Variants in SPTLC1 observed in about 807,000 individuals in gnomAD.
SPTLC1 encodes the protein serine palmitoyltransferase 1.
In SPTLC1, 55 loss-of-function variants were observed where a neutral mutation model predicts 68.9. The ratio of observed to expected loss-of-function variants is 0.80; its 90% CI spans 0.64 to 1.00. The LOEUF is 1.00. SPTLC1 is among the 50% of genes least tolerant of loss of function. The pLI is 0.00. For missense variants in SPTLC1, 449 were observed against 573.1 expected, an observed-to-expected ratio of 0.78 and a Z score of 2.21; for synonymous variants, 197 against 201.6, an observed-to-expected ratio of 0.98 and a Z score of 0.19.
intron 3 of SPTLC1, among the ~76,000 whole-genome samples, chr9:92,092,407 A>G (rs1358597868): frequency 6.6e-6 from 1 of 152,160 alleles, no homozygotes; most frequent in Non-Finnish European, 1.5e-5. Context: ...ATTAAAAAAT[A>G]TTTAGGTCTG....
At chr9:92,104,599 A>G (rs1321026867) in intron 3 of SPTLC1, 5 of 1,478,796 alleles carry the variant, frequency 3.4e-6, no homozygotes, top group Middle Eastern at 1.7e-4. Context: ...TTAACCTTCA[A>G]CTTCCTTCAT....
intron 3 of SPTLC1, among the ~76,000 whole-genome samples, chr9:92,089,053 G>A (rs988564944): frequency 3.9e-5 from 6 of 152,312 alleles, no homozygotes; most frequent in South Asian, 4.1e-4. Flanking sequence ...AACGCGAGAC[G>A]CTGGACACTA....
intron 11 of SPTLC1, 54 bp downstream of exon 11, chr9:92,047,118 C>T: frequency 6.9e-7 from 1 of 1,444,144 alleles, no homozygotes; most frequent in Non-Finnish European, 9.8e-7. Context: ...ATCAGTAACA[C>T]AACTAACGTA....
At chr9:92,104,314 G>A (rs916841898) in intron 3 of SPTLC1, 68 of 1,383,086 alleles carry the variant, frequency 4.9e-5, no homozygotes, top group African/African-American at 2.6e-4. Context: ...GGCTCACCCC[G>A]CGGCTCCTGC....
chr9:92,071,326 G>C (rs915514287), intron 5 of SPTLC1, among the ~76,000 whole-genome samples: 3 of 152,062 alleles, frequency 2.0e-5, no homozygotes, highest in African/African-American at 7.2e-5. Context: ...CCTGAACCCA[G>C]GAGGCGGAGG....
chr9:92,042,283 T>C (rs1833378872), intron 12 of SPTLC1, among the ~76,000 whole-genome samples: 2 of 151,946 alleles, frequency 1.3e-5, no homozygotes, highest in Non-Finnish European at 2.9e-5. Flanking sequence ...AGCAATAAAA[T>C]AAGAAAATGA....
At chr9:92,036,718 T>A (rs1312386994) in intron 13 of SPTLC1, among the ~76,000 whole-genome samples, 1 of 152,260 alleles carries the variant, frequency 6.6e-6, no homozygotes, top group African/African-American at 2.4e-5. Flanking sequence ...TACTGGCTTG[T>A]CCATTTAGTT....
At chr9:92,059,070 C>A (rs1833995917) in intron 7 of SPTLC1, 109 bp downstream of exon 7, 1 of 1,310,564 alleles carries the variant, frequency 7.6e-7, no homozygotes, top group Non-Finnish European at 1.1e-6. Context: ...ACCTTAATAT[C>A]CAAATGTGAT....
At chr9:92,082,998 G>A (rs1359626696) in intron 3 of SPTLC1, among the ~76,000 whole-genome samples, 17 of 152,164 alleles carry the variant, frequency 1.1e-4, no homozygotes, top group Admixed American at 7.9e-4. Context: ...CAGTGATGGT[G>A]AGCATTTTTT....
chr9:92,111,649 C>T (rs1226232563), intron 2 of SPTLC1: 4 of 152,168 alleles, frequency 2.6e-5, no homozygotes, highest in Non-Finnish European at 5.9e-5. Context: ...TTATAACAAG[C>T]TCTATTTGTC....
rs777138137 is a variant in SPTLC1, at chr9:92,079,530, C to A, written c.427+486G>T. ...TTTAGTTGGCCTGTTCCCGGATTATCCATACACAAGGAAATCAATGATCCT... is the reference window on the plus strand; with the variant it reads ...TTTAGTTGGCCTGTTCCCGGATTATACATACACAAGGAAATCAATGATCCT... On this transcript the variant is annotated intron_variant, in intron 5 of 14. Coordinates refer to ENST00000262554, the MANE Select transcript of SPTLC1 (RefSeq NM_006415.4). 7 of 1,613,816 alleles carry A rather than the reference C, an allele frequency of 4.3e-6. No homozygotes were observed. In the East Asian group the frequency reaches 1.6e-4, roughly 36 times the overall value.
chr9:92,089,047 C>T (rs376120639), intron 3 of SPTLC1, among the ~76,000 whole-genome samples: 5 of 152,172 alleles, frequency 3.3e-5, no homozygotes, highest in Admixed American at 1.3e-4. Flanking sequence ...CCCAAGAACG[C>T]GAGACGCTGG....
rs1201254564 is a variant in SPTLC1 at position 92,067,307 on chromosome 9, A to C, written c.560+659T>G. Among the ~76,000 whole-genome samples the C allele has an allele frequency of 2.4e-4, 36 of 151,288 alleles. 1 individual carries two copies. The highest frequency in any genetic ancestry group is 6.8e-3 in the Middle Eastern group (2 of 294). On this transcript the variant is annotated intron_variant, in intron 6 of 14. Coordinates refer to ENST00000262554, the MANE Select transcript of SPTLC1 (RefSeq NM_006415.4). Reference sequence around the variant, plus strand: ...AAGTGAGACTCCATCTCACACACAAAAAAAAAAAAAACAGAGAAGAGGAAA... The same window carrying C: ...AAGTGAGACTCCATCTCACACACAACAAAAAAAAAAACAGAGAAGAGGAAA...
intron 6 of SPTLC1, among the ~76,000 whole-genome samples, chr9:92,064,159 C>T (rs1177678670): frequency 6.6e-6 from 1 of 152,162 alleles, no homozygotes; most frequent in Non-Finnish European, 1.5e-5. Flanking sequence ...TTGCAGGATA[C>T]AAGCTCAGCA....
At chr9:92,087,922 T>C (rs1339172351) in intron 3 of SPTLC1, among the ~76,000 whole-genome samples, 3 of 152,228 alleles carry the variant, frequency 2.0e-5, no homozygotes, top group East Asian at 1.9e-4. Flanking sequence ...CCCGGCTGCT[T>C]TGTTTACCTA....
rs114685423 is a variant in SPTLC1 at position 92,075,370 on chromosome 9, C to T, written c.427+4646G>A. Among the ~76,000 whole-genome samples the T allele has an allele frequency of 5.5e-4, 84 of 152,264 alleles. 1 individual carries two copies. The highest frequency in any genetic ancestry group is 2.0e-3 in the African/African-American group (83 of 41,550). ...CATCCTAACCAAACCACTCTATAAA[C>T]TCACAAAAGGAAACTTAGCTGAACC... On this transcript the variant is annotated intron_variant, in intron 5 of 14. Coordinates refer to ENST00000262554, the MANE Select transcript of SPTLC1 (RefSeq NM_006415.4).
intron 7 of SPTLC1, 36 bp from the exon 8 acceptor site, chr9:92,055,530 G>A (rs747105959): frequency 1.2e-6 from 2 of 1,605,358 alleles, no homozygotes; most frequent in Non-Finnish European, 1.7e-6. Flanking sequence ...TTACATTTCA[G>A]TAACTCTGAA....
rs987363132 is a variant in SPTLC1, at chr9:92,047,646, G to A, written c.951C>T (p.Phe317=). The part of the protein sequence containing the change: ...MENALASIGG[F]CCGRSFVIDH... The stretch of plus-strand genomic sequence containing the variant: ...CAATTACAAAAGACCTGCCACAGCA[G>A]AAACCTCCAATAGAAGCAAGTGCAT... Residue 317 remains phenylalanine (F), a synonymous_variant, in exon 10 of 15, where the codon TTC becomes TTT. Transcript: ENST00000262554. The A allele has an allele frequency of 1.2e-6, 2 of 1,613,798 alleles. No homozygotes were observed. Among genetic ancestry groups the A allele is most frequent in the African/African-American group, 2.7e-5 (2 of 75,008 alleles).
In SPTLC1 at chr9:92,080,825, A is replaced by T. The variant is rs201432015; in HGVS notation, c.354+45T>A. 9.5e-6 allele frequency: 14 copies of T among 1,474,522 alleles called. No homozygotes were observed. The Middle Eastern group carries it at 1.2e-3, about 127-fold the overall frequency. 91.3% of individuals were successfully genotyped at this position (1,474,522 alleles called of 1,614,324 possible). A position where few individuals can be genotyped will look rare whatever the true frequency, so the allele number is the denominator to read the frequency against. ...TTTGTCTTTTATGTCTAGTTTCTTA[A>T]ATCAGTAATGTTATCTGTCCACTTC... On this transcript the variant is annotated intron_variant, in intron 4 of 14. Transcript: ENST00000262554.
Sources: gnomAD v4.1 joint callset for allele counts (sites outside exome capture counted in the v4.1 genomes callset) on GRCh38, gnomAD v4.1.1 for gene constraint, MANE v1.5 for transcripts, NCBI Gene and HGNC (gene_info 2026-07-23, HGNC 2026-07-21) for gene names.